Variants in HMCN1 observed in about 807,000 individuals in gnomAD.
HMCN1 encodes hemicentin-1.
HMCN1 carries 321 observed loss-of-function variants against 625.9 expected under a neutral mutation model. The ratio of observed to expected loss-of-function variants is 0.51; its 90% CI spans 0.47 to 0.56. The LOEUF (loss-of-function observed/expected upper bound fraction) is 0.56, where lower values mean the gene tolerates loss of function less well. Ranked by LOEUF, HMCN1 falls within the 20% of genes least tolerant of loss-of-function variation. The pLI, the probability that HMCN1 is intolerant of heterozygous loss-of-function variation, is 0.00. For missense variants in HMCN1, 6,588 were observed against 6,887.3 expected (o/e 0.96, Z 1.54); for synonymous variants, 2,425 against 2,417.6 (o/e 1.00, Z -0.09).
chr1:186,091,867 T>A (rs1659860711), intron 64 of HMCN1, among the ~76,000 whole-genome samples: 1 of 152,026 alleles, frequency 6.6e-6, no homozygotes, highest in African/African-American at 2.4e-5. Context: ...ATAAATGTTA[T>A]TTTCTTTGTA....
chr1:186,062,441 C>T (rs1657765066), intron 47 of HMCN1, 73 bp from the exon 48 acceptor site: 2 of 879,482 alleles, frequency 2.3e-6, no homozygotes, highest in Admixed American at 1.8e-5. Context: ...TTAATAAAAC[C>T]ATACATAAAT....
intron 17 of HMCN1, among the ~76,000 whole-genome samples, chr1:185,981,480 A>G (rs922663445): frequency 7.9e-5 from 12 of 152,136 alleles, no homozygotes; most frequent in Non-Finnish European, 7.4e-5. Context: ...TGCAATATCT[A>G]TTATTGAATA....
At position 185,995,027 on chromosome 1, in the gene HMCN1, A is replaced by T. The variant is rs1363228250; in HGVS notation, c.3718A>T (p.Thr1240Ser). 5 of 1,613,662 alleles carry T rather than the reference A, an allele frequency of 3.1e-6. No individual in the cohort carries two copies. Among genetic ancestry groups the T allele is most frequent in the Non-Finnish European group, 4.2e-6 (5 of 1,179,802 alleles). Residue 1240 changes from threonine to serine, a missense_variant, in exon 24 of 107, where the codon ACA (threonine) becomes TCA (serine). Thr to Ser is a moderately conservative substitution (Grantham distance 58). Transcript: ENST00000271588. ...QATPSDAGIY[T>S]CVATNIAGTD... ...CACGCCCTCAGATGCTGGCATATAT[A>T]CATGTGTTGCTACTAACATAGCAGG...
chr1:185,861,584 C>T (rs1282938486), intron 2 of HMCN1, among the ~76,000 whole-genome samples: 2 of 152,106 alleles, frequency 1.3e-5, no homozygotes, highest in Non-Finnish European at 2.9e-5. Context: ...AAATTGGCTG[C>T]AAGTAAAGAT....
intron 1 of HMCN1, among the ~76,000 whole-genome samples, chr1:185,737,926 T>A (rs957359162): frequency 6.6e-6 from 1 of 152,134 alleles, no homozygotes; most frequent in Non-Finnish European, 1.5e-5. Flanking sequence ...AGGCAGGGTG[T>A]CTAACAAGTT....
chr1:185,734,438 A>C lies in HMCN1; in HGVS notation c.-342A>C. 8.0e-6 allele frequency: 2 copies of C among 248,818 alleles called. No homozygotes were observed. Among genetic ancestry groups the C allele is most frequent in the Non-Finnish European group, 1.5e-5 (2 of 131,056 alleles). 15.4% of individuals were successfully genotyped at this position (248,818 alleles called of 1,614,324 possible). On this transcript the variant is annotated 5_prime_UTR_variant, in exon 1 of 107. Transcript: ENST00000271588. ...CAGCGGCGGCGGCGAGGGCAGCGGG[A>C]TTCGGGCCGCGGCGCCGCAGGCTCA...
At chr1:186,139,838 C>T (rs573648330) in intron 89 of HMCN1, among the ~76,000 whole-genome samples, 1 of 151,964 alleles carries the variant, frequency 6.6e-6, no homozygotes, top group African/African-American at 2.4e-5. Context: ...TCCTCCTCAC[C>T]CCTAGAGAGC....
intron 73 of HMCN1, 40 bp from the exon 74 acceptor site, chr1:186,114,779 A>T: frequency 6.2e-7 from 1 of 1,612,424 alleles, no homozygotes. Context: ...CAATCAAAAA[A>T]GGCTGATTCA....
intron 98 of HMCN1, among the ~76,000 whole-genome samples, chr1:186,165,635 A>G (rs1396205676): frequency 6.6e-6 from 1 of 152,184 alleles, no homozygotes; most frequent in African/African-American, 2.4e-5. Context: ...AGCACAAGAG[A>G]GGTACAGATA....
At chr1:186,110,966 C>A (rs1027996592) in intron 71 of HMCN1, among the ~76,000 whole-genome samples, 3 of 87,150 alleles carry the variant, frequency 3.4e-5, no homozygotes, top group African/African-American at 5.9e-5. Flanking sequence ...GAAGAAAAAC[C>A]AGAGAAAATT....
chr1:186,135,273 C>T (rs571464794), intron 86 of HMCN1, among the ~76,000 whole-genome samples: 22 of 152,302 alleles, frequency 1.4e-4, no homozygotes, highest in South Asian at 8.3e-4. Context: ...CTCCCTCCTT[C>T]CTTTTTGGTT....
At chr1:185,861,662 T>A (rs1662882668) in intron 2 of HMCN1, among the ~76,000 whole-genome samples, 1 of 152,192 alleles carries the variant, frequency 6.6e-6, no homozygotes, top group Admixed American at 6.5e-5. Context: ...TTACATAAAT[T>A]TTCATTCAAG....
intron 11 of HMCN1, among the ~76,000 whole-genome samples, chr1:185,951,006 T>G (rs201940796): frequency 0.043 from 6,391 of 147,086 alleles, 252 homozygotes; most frequent in East Asian, 0.31. Context: ...GATAACAGGC[T>G]TTAATCTTTT....
chr1:186,037,834 A>G, intron 36 of HMCN1, 100 bp from the exon 37 acceptor site: 1 of 762,440 alleles, frequency 1.3e-6, no homozygotes, highest in East Asian at 2.7e-5. Flanking sequence ...TATGTGAAAA[A>G]AAGAAGAGAG....
Position 185,763,151 on chromosome 1 carries a change from G to A in HMCN1, c.268+28104G>A, listed in dbSNP as rs116679959. 8.1e-3 allele frequency among the ~76,000 whole-genome samples: 1,239 copies of A among 152,184 alleles called. 9 individuals carry two copies. Among genetic ancestry groups the A allele is most frequent in the Middle Eastern group, 0.027 (8 of 294 alleles). ...TGCCTGGAGAGATTCTATTTTCTGC[G>A]GCAAAATGTGAGGGAGAGCTGATAC... On this transcript the variant is annotated intron_variant, in intron 1 of 106. Coordinates refer to ENST00000271588, the MANE Select transcript of HMCN1 (RefSeq NM_031935.3).
At chr1:185,857,941 T>C (rs139497480) in intron 2 of HMCN1, among the ~76,000 whole-genome samples, 6 of 152,328 alleles carry the variant, frequency 3.9e-5, no homozygotes, top group African/African-American at 1.4e-4. Flanking sequence ...TTTCTTCCTC[T>C]GATTATACAG....
intron 29 of HMCN1, among the ~76,000 whole-genome samples, chr1:186,006,424 G>A (rs1233655892): frequency 6.6e-6 from 1 of 151,968 alleles, no homozygotes; most frequent in African/African-American, 2.4e-5. Context: ...GGATATCATA[G>A]ACTTTAACAA....
intron 63 of HMCN1, 101 bp downstream of exon 63, chr1:186,088,856 A>G (rs1000827103): frequency 1.8e-6 from 2 of 1,123,874 alleles, no homozygotes; most frequent in East Asian, 2.6e-5. Flanking sequence ...TTGATTCAAC[A>G]TATCTTTAGA....
intron 1 of HMCN1, among the ~76,000 whole-genome samples, chr1:185,840,901 G>A (rs1029503058): frequency 6.6e-6 from 1 of 152,108 alleles, no homozygotes; most frequent in Non-Finnish European, 1.5e-5. Context: ...ATTAAATTAT[G>A]TGTAGGCAGT....
Sources: allele counts gnomAD v4.1 joint callset (sites outside exome capture counted in the v4.1 genomes callset), GRCh38; gene constraint gnomAD v4.1.1; transcripts MANE v1.5; gene names NCBI Gene and HGNC (gene_info 2026-07-23, HGNC 2026-07-21).